The following UNC79 variants were observed in gnomAD, a reference collection of about 807,000 sequenced individuals.
UNC79 encodes protein unc-79 homolog.
A neutral mutation model predicts 283.1 loss-of-function variants in UNC79; 37 were observed. The ratio of observed to expected loss-of-function variants is 0.13; its 90% CI spans 0.10 to 0.17. UNC79 has a LOEUF of 0.17. UNC79 is among the 10% of genes least tolerant of loss of function. UNC79 has a pLI of 1.00. For missense variants in UNC79, 2,272 were observed against 3,211.1 expected (o/e 0.71, Z 7.07); for synonymous variants, 1,107 against 1,200.2 (o/e 0.92, Z 1.61).
At chr14:93,470,857 T>A (rs761805436) in intron 2 of UNC79, among the ~76,000 whole-genome samples, 2 of 152,222 alleles carry the variant, frequency 1.3e-5, no homozygotes, top group African/African-American at 2.4e-5. Flanking sequence ...GTTCTTTTTA[T>A]ATTGGAAACA....
intron 30 of UNC79, among the ~76,000 whole-genome samples, chr14:93,625,419 T>TCTTA (rs773224711): frequency 6.6e-6 from 1 of 152,248 alleles, no homozygotes; most frequent in Non-Finnish European, 1.5e-5. Flanking sequence ...ATTATTCCTG[T>TCTTA]CTTAATTCCT....
chr14:93,556,000 G>A (rs2062153074), intron 14 of UNC79, among the ~76,000 whole-genome samples: 1 of 152,092 alleles, frequency 6.6e-6, no homozygotes, highest in Non-Finnish European at 1.5e-5. Flanking sequence ...GGCCAGGAAA[G>A]CATGCAGTTT....
At chr14:93,348,710 GA>G (rs1412204990) in intron 1 of UNC79, among the ~76,000 whole-genome samples, 2 of 152,140 alleles carry the variant, frequency 1.3e-5, no homozygotes, top group Non-Finnish European at 2.9e-5. Context: ...GAGGTTTGAA[GA>G]ATCATACACA....
chr14:93,478,795 TA>T (rs2057948729), intron 4 of UNC79, among the ~76,000 whole-genome samples: 1 of 152,240 alleles, frequency 6.6e-6, no homozygotes, highest in African/African-American at 2.4e-5. Flanking sequence ...ATTCACATTT[TA>T]ATTTTATGTA....
intron 1 of UNC79, among the ~76,000 whole-genome samples, chr14:93,443,095 AT>A (rs766061432): frequency 6.6e-6 from 1 of 151,998 alleles, no homozygotes; most frequent in Non-Finnish European, 1.5e-5. Context: ...GTGGTAGTGC[AT>A]GCCTGTAGTC....
intron 43 of UNC79, among the ~76,000 whole-genome samples, chr14:93,687,876 A>T (rs930800321): frequency 6.6e-6 from 1 of 152,158 alleles, no homozygotes; most frequent in African/African-American, 2.4e-5. Context: ...CAGGATCATC[A>T]AAAGGTTGGA....
intron 7 of UNC79, among the ~76,000 whole-genome samples, chr14:93,498,209 A>T (rs148679976): frequency 6.6e-6 from 1 of 151,664 alleles, no homozygotes; most frequent in Non-Finnish European, 1.5e-5. Context: ...GGAGGTTGCA[A>T]TGAGCCAAGA....
At chr14:93,691,559 C>T in intron 45 of UNC79, 190 bp from the exon 49 acceptor site, 7 of 628,484 alleles carry the variant, frequency 1.1e-5, no homozygotes, top group Non-Finnish European at 1.7e-5. Flanking sequence ...AGCACACTCC[C>T]ACTGGTGGAG....
At chr14:93,637,420 T>C (rs1221562541) in intron 32 of UNC79, 121 bp downstream of exon 35, 2 of 1,482,988 alleles carry the variant, frequency 1.3e-6, no homozygotes, top group Non-Finnish European at 1.8e-6. Context: ...GGATGACCTT[T>C]GCCCAAACAC....
chr14:93,701,198 T>C (rs888219435), intron 47 of UNC79, among the ~76,000 whole-genome samples: 9 of 152,332 alleles, frequency 5.9e-5, no homozygotes, highest in African/African-American at 1.9e-4. Flanking sequence ...ACTCACCTGG[T>C]TTGTTTCCTT....
At chr14:93,689,936 A>G in intron 44 of UNC79, 181 bp from the exon 48 acceptor site, 1 of 622,688 alleles carries the variant, frequency 1.6e-6, no homozygotes, top group South Asian at 2.2e-5. Flanking sequence ...ATCCAGGATT[A>G]GAGTGGAAAA....
At chr14:93,572,611 A>T in intron 15 of UNC79, 82 bp from the exon 16 acceptor site, 1 of 1,571,288 alleles carries the variant, frequency 6.4e-7, no homozygotes, top group South Asian at 1.2e-5. Flanking sequence ...CCAAATAGGG[A>T]ATAGTTAGAA....
In UNC79 at chr14:93,417,815, G is replaced by A. The variant is rs543821603; in HGVS notation, c.-350-49856G>A. On this transcript the variant is annotated intron_variant, in intron 1 of 49. Transcript: ENST00000256339. ...ACCCTTTCTTCCAGTTGATTGCATC[G>A]ACTCCTGAGGCTTCTCCATTCTTCA... Among the ~76,000 whole-genome samples the A allele has an allele frequency of 5.4e-5, 8 of 149,488 alleles. 1 individual carries two copies. Among genetic ancestry groups the A allele is most frequent in the South Asian group, 2.2e-4 (1 of 4,452 alleles).
intron 39 of UNC79, among the ~76,000 whole-genome samples, chr14:93,660,563 A>ATATGTGTGTGTG (rs1203621990): frequency 5.7e-4 from 37 of 64,762 alleles, no homozygotes; most frequent in Non-Finnish European, 8.4e-4. Flanking sequence ...ATATATATAT[A>ATATGTGTGTGTG]TGTGTGTGTG....
At chr14:93,497,444 A>C (rs2059062132) in intron 7 of UNC79, among the ~76,000 whole-genome samples, 158 bp downstream of exon 7, 1 of 152,226 alleles carries the variant, frequency 6.6e-6, no homozygotes, top group African/African-American at 2.4e-5. Context: ...TTTAAAGATG[A>C]ATTAATTCAA....
intron 1 of UNC79, among the ~76,000 whole-genome samples, chr14:93,350,253 G>A (rs1303755873): frequency 6.6e-6 from 1 of 151,854 alleles, no homozygotes; most frequent in Non-Finnish European, 1.5e-5. Flanking sequence ...AAATAATTTT[G>A]TATAATTTAG....
upstream of UNC79, among the ~76,000 whole-genome samples, chr14:93,426,358 A>G (rs2055725015): frequency 6.6e-6 from 1 of 151,396 alleles, no homozygotes; most frequent in Non-Finnish European, 1.5e-5. Flanking sequence ...TTCTTTTTAT[A>G]TCTGTAAATT....
exon 17 of UNC79, chr14:93,575,066 G>A (rs779885814): frequency 1.0e-4 from 167 of 1,607,820 alleles, no homozygotes; most frequent in Middle Eastern, 1.6e-4. Context: ...AGGTATTATC[G>A]GAGTTAGATA....
chr14:93,607,617 G>C (rs1247855164), intron 26 of UNC79, among the ~76,000 whole-genome samples: 1 of 152,206 alleles, frequency 6.6e-6, no homozygotes, highest in Admixed American at 6.5e-5. Context: ...TTAAGGCCAT[G>C]AGTGTCCAGA....
Sources: allele counts gnomAD v4.1 joint callset (sites outside exome capture counted in the v4.1 genomes callset), GRCh38; gene constraint gnomAD v4.1.1; transcripts MANE v1.5; gene names NCBI Gene and HGNC (gene_info 2026-07-23, HGNC 2026-07-21).